AKR1B10: variants seen among roughly 807,000 people sequenced by gnomAD.
AKR1B10 encodes ARP.
AKR1B10 carries 39 observed loss-of-function variants against 38.9 expected under a neutral mutation model. The observed-to-expected ratio is 1.00, with a 90% CI of 0.78 to 1.31. The LOEUF (loss-of-function observed/expected upper bound fraction) is 1.31, where lower values mean the gene tolerates loss of function less well. Ranked by LOEUF, AKR1B10 falls within the 50% of genes most tolerant of loss-of-function variation. The probability of loss-of-function intolerance (pLI) is 0.00; values close to 1 mark genes in which losing one functional copy is unlikely to be tolerated. For synonymous variants in AKR1B10, 148 were observed against 141.2 expected (o/e 1.05, Z -0.34); for missense variants, 361 against 382.6 (o/e 0.94, Z 0.47).
intron 4 of AKR1B10, among the ~76,000 whole-genome samples, chr7:134,535,927 G>A (rs968201982): frequency 4.6e-5 from 7 of 152,156 alleles, no homozygotes; most frequent in Admixed American, 3.9e-4. Flanking sequence ...GTATCTTTGG[G>A]CAAGTTTGGA....
In AKR1B10 at chr7:134,532,955, C is replaced by A. The variant is rs764334283; in HGVS notation, c.352-49C>A. ...ATCCTGAAACCTTGTTGAACAGAAC[C>A]AAGTGTCCTGATGCAGATTCCAGTA... On this transcript the variant is annotated intron_variant, in intron 3 of 9. Coordinates refer to ENST00000359579, the MANE Select transcript of AKR1B10 (RefSeq NM_020299.5). 6 of 1,518,384 alleles carry A rather than the reference C, an allele frequency of 4.0e-6. No individual in the cohort carries two copies. The African/African-American group carries it at 5.5e-5, about 14-fold the overall frequency. The allele number at this position is 1,518,384 out of a possible 1,614,324, so 94.1% of individuals were successfully genotyped here. A position where few individuals can be genotyped will look rare whatever the true frequency, so the allele number is the denominator to read the frequency against.
At chr7:134,540,249 C>G (rs994867899) in intron 9 of AKR1B10, among the ~76,000 whole-genome samples, 1 of 152,132 alleles carries the variant, frequency 6.6e-6, no homozygotes, top group Admixed American at 6.5e-5. Context: ...GTATCTCAAG[C>G]GCTGCTTGCA....
chr7:134,535,159 G>A (rs1383726274), intron 4 of AKR1B10, among the ~76,000 whole-genome samples: 1 of 152,134 alleles, frequency 6.6e-6, no homozygotes, highest in African/African-American at 2.4e-5. Context: ...ATTTCTTTTT[G>A]TAGAGACAGG....
chr7:134,538,280 A>G lies in AKR1B10; in HGVS notation c.825+3A>G. The G allele has an allele frequency of 6.2e-7, 1 of 1,613,692 alleles. No individual in the cohort carries two copies. Among genetic ancestry groups the G allele is most frequent in the Non-Finnish European group, 8.5e-7 (1 of 1,179,704 alleles). On this transcript the variant is annotated splice_donor_region_variant and intron_variant, in intron 8 of 9. Transcript: ENST00000359579. ...CACGCATTGTTGAGAACATTCAGGT[A>G]AGTTTCCGGCTGGTCGGCCCTGGTA...
At chr7:134,533,362 A>G (rs1807917377) in intron 4 of AKR1B10, among the ~76,000 whole-genome samples, 1 of 152,202 alleles carries the variant, frequency 6.6e-6, no homozygotes, top group Admixed American at 6.5e-5. Flanking sequence ...CATTTGGAAC[A>G]GGAGGTTTGG....
intron 9 of AKR1B10, 71 bp from the exon 10 acceptor site, chr7:134,540,975 AC>A: frequency 1.8e-6 from 2 of 1,105,754 alleles, no homozygotes; most frequent in Non-Finnish European, 2.7e-6. Flanking sequence ...AGGGAAGAAT[AC>A]CTTCTCAACC....
At position 134,541,119 on chromosome 7, in the gene AKR1B10, A is replaced by G. The variant is rs765579784; in HGVS notation, c.*30A>G. The G allele has an allele frequency of 2.0e-5, 30 of 1,511,300 alleles. No homozygotes were observed. Among genetic ancestry groups the G allele is most frequent in the Non-Finnish European group, 2.5e-5 (27 of 1,092,464 alleles). The allele number at this position is 1,511,300 out of a possible 1,614,324, so 93.6% of individuals were successfully genotyped here. On this transcript the variant is annotated 3_prime_UTR_variant, in exon 10 of 10. Coordinates refer to ENST00000359579, the MANE Select transcript of AKR1B10 (RefSeq NM_020299.5). The stretch of plus-strand genomic sequence containing the variant: ...GAATCTCCTGGTGAGATTATACAGG[A>G]GATTCTCTTTCTTCGCTGAAGTGTG...
chr7:134,528,779 A>G (rs1486077593), intron 1 of AKR1B10, among the ~76,000 whole-genome samples: 1 of 152,128 alleles, frequency 6.6e-6, no homozygotes, highest in Non-Finnish European at 1.5e-5. Context: ...GAGAAACAAA[A>G]TGCAGAGTCT....
intron 5 of AKR1B10, 75 bp downstream of exon 5, chr7:134,536,847 C>T: frequency 1.3e-6 from 2 of 1,597,294 alleles, no homozygotes; most frequent in Non-Finnish European, 1.7e-6. Flanking sequence ...ATGTTCAATG[C>T]TATGCCCTGA....
intron 4 of AKR1B10, among the ~76,000 whole-genome samples, chr7:134,534,552 A>C (rs1485859778): frequency 6.6e-6 from 1 of 152,240 alleles, no homozygotes; most frequent in Non-Finnish European, 1.5e-5. Flanking sequence ...CTGCTAAATA[A>C]AACATTTGAA....
chr7:134,528,859 A>G (rs775610545), intron 1 of AKR1B10, among the ~76,000 whole-genome samples: 2 of 152,180 alleles, frequency 1.3e-5, no homozygotes, highest in Non-Finnish European at 2.9e-5. Flanking sequence ...TCCTGTACAC[A>G]TTGAAATCTG....
At position 134,539,028 on chromosome 7, in the gene AKR1B10, T is replaced by C; in HGVS notation, c.908+11T>C. The C allele has an allele frequency of 6.2e-7, 1 of 1,614,024 alleles. No individual in the cohort carries two copies. The highest frequency in any genetic ancestry group is 8.5e-7 in the Non-Finnish European group (1 of 1,179,934). On this transcript the variant is annotated intron_variant, in intron 9 of 9. Coordinates refer to ENST00000359579, the MANE Select transcript of AKR1B10 (RefSeq NM_020299.5). ...CTGTAACGTGTTGCAGTAAGTGGCA[T>C]GGAGTTAACTAGAAGCATTGCCAGG...
intron 9 of AKR1B10, among the ~76,000 whole-genome samples, chr7:134,540,612 C>T (rs542281956): frequency 2.6e-4 from 40 of 152,250 alleles, no homozygotes; most frequent in Middle Eastern, 3.4e-3. Flanking sequence ...TAATACTAAT[C>T]GCAGCTAACA....
intron 9 of AKR1B10, among the ~76,000 whole-genome samples, chr7:134,540,670 C>T (rs1272061653): frequency 4.6e-5 from 7 of 152,132 alleles, no homozygotes; most frequent in East Asian, 1.9e-4. Flanking sequence ...CGCCCTTTTC[C>T]GGTGGTATTA....
rs1233420958 is a variant in AKR1B10 at position 134,537,594 on chromosome 7, A to G, written c.674A>G (p.Asp225Gly). The G allele has an allele frequency of 1.2e-6, 2 of 1,613,916 alleles. No homozygotes were observed. Among genetic ancestry groups the G allele is most frequent in the Admixed American group, 3.3e-5 (2 of 60,020 alleles). Residue 225 changes from aspartate to glycine, a missense_variant, in exon 7 of 10, where the codon GAC becomes GGC. Physicochemically the swap from Asp to Gly is moderately conservative, Grantham distance 94. Coordinates refer to ENST00000359579, the MANE Select transcript of AKR1B10 (RefSeq NM_020299.5). The stretch of plus-strand genomic sequence containing the variant: ...TCTGCCCCTAGGGCCAAGCCAGAAG[A>G]CCCTTCCCTGCTGGAGGATCCCAAG... ...SPDRPWAKPE[D>G]PSLLEDPKIK...
intron 1 of AKR1B10, among the ~76,000 whole-genome samples, chr7:134,529,473 T>C (rs1255072987): frequency 1.3e-5 from 2 of 152,200 alleles, no homozygotes; most frequent in South Asian, 2.1e-4. Context: ...AAGGGAGCTG[T>C]CTTCAACACG....
chr7:134,541,139 A>G lies in AKR1B10; in HGVS notation c.*50A>G, dbSNP rs528077926. 76 of 1,374,282 alleles carry G rather than the reference A, an allele frequency of 5.5e-5. No homozygotes were observed. The South Asian group carries it at 8.7e-4, about 16-fold the overall frequency. The allele number at this position is 1,374,282 out of a possible 1,614,324, so 85.1% of individuals were successfully genotyped here. On this transcript the variant is annotated 3_prime_UTR_variant, in exon 10 of 10. Transcript: ENST00000359579. Reference sequence around the variant, plus strand: ...ACAGGAGATTCTCTTTCTTCGCTGAAGTGTGACTACCTCCACTCATGTCCC... The same window carrying G: ...ACAGGAGATTCTCTTTCTTCGCTGAGGTGTGACTACCTCCACTCATGTCCC...
chr7:134,538,416 G>A, intron 8 of AKR1B10, 139 bp downstream of exon 8: 1 of 871,768 alleles, frequency 1.1e-6, no homozygotes, highest in Non-Finnish European at 1.8e-6. Context: ...TCCAGCCCAG[G>A]GAGCTAGGGT....
In AKR1B10 at chr7:134,541,401, A is replaced by C. The variant is rs1396757702; in HGVS notation, c.*312A>C. Reference sequence around the variant, plus strand: ...TGTAAAGATCAATAAAAAAAATAATAATCATAACCAACATGTATTGAGACT... The same window carrying C: ...TGTAAAGATCAATAAAAAAAATAATCATCATAACCAACATGTATTGAGACT... On this transcript the variant is annotated 3_prime_UTR_variant, in exon 10 of 10. Transcript: ENST00000359579. The C allele has an allele frequency of 1.3e-5, 4 of 297,020 alleles. No homozygotes were observed. The highest frequency in any genetic ancestry group is 2.5e-5 in the Non-Finnish European group (4 of 161,690). The allele number at this position is 297,020 out of a possible 1,614,324, so 18.4% of individuals were successfully genotyped here.
Sources: allele counts gnomAD v4.1 joint callset (sites outside exome capture counted in the v4.1 genomes callset), GRCh38; gene constraint gnomAD v4.1.1; transcripts MANE v1.5; gene names NCBI Gene and HGNC (gene_info 2026-07-23, HGNC 2026-07-21).